NELL1: variants seen among roughly 807,000 people sequenced by gnomAD.
NELL1 encodes neural EGFL like 1, also known as protein kinase C-binding protein NELL1.
A neutral mutation model predicts 107.4 loss-of-function variants in NELL1; 76 were observed. The ratio of observed to expected loss-of-function variants is 0.71; its 90% CI spans 0.59 to 0.86. The LOEUF is 0.86. Ranked by LOEUF, NELL1 falls within the 40% of genes least tolerant of loss-of-function variation. The pLI is 0.00. For synonymous variants in NELL1, 353 were observed against 341.2 expected (o/e 1.03, Z -0.38); for missense variants, 1,024 against 1,005.5 (o/e 1.02, Z -0.25).
intron 14 of NELL1, among the ~76,000 whole-genome samples, chr11:21,337,450 T>C (rs1850430727): frequency 6.6e-6 from 1 of 152,200 alleles, no homozygotes. Flanking sequence ...TTCCATTTTA[T>C]AGCTATGCCA....
intron 5 of NELL1, among the ~76,000 whole-genome samples, chr11:20,893,348 C>G (rs1288726504): frequency 6.7e-6 from 1 of 148,202 alleles, no homozygotes; most frequent in Non-Finnish European, 1.5e-5. Context: ...CAAACCTGCA[C>G]ACTCTGCACA....
intron 3 of NELL1, among the ~76,000 whole-genome samples, chr11:20,791,561 T>A (rs1857073985): frequency 6.6e-6 from 1 of 152,170 alleles, no homozygotes; most frequent in Non-Finnish European, 1.5e-5. Flanking sequence ...GCCTGTTAGT[T>A]CATTTTTATA....
rs544602719 is a variant in NELL1, at chr11:20,932,929, G to A, written c.997+4450G>A. Among the ~76,000 whole-genome samples the A allele has an allele frequency of 2.0e-5, 3 of 152,334 alleles. No individual in the cohort carries two copies. In the South Asian group the frequency reaches 6.2e-4, roughly 32 times the overall value. On this transcript the variant is annotated intron_variant, in intron 9 of 19. Coordinates refer to ENST00000357134, the MANE Select transcript of NELL1 (RefSeq NM_006157.5). ...AATGTACATATGTATGTGTGTGTTA[G>A]GAAAACGTCATAGGTAACAGCTGAG...
At chr11:21,503,818 C>T (rs999010558) in intron 15 of NELL1, among the ~76,000 whole-genome samples, 6 of 151,990 alleles carry the variant, frequency 3.9e-5, no homozygotes, top group Admixed American at 2.6e-4. Flanking sequence ...CTAGCCTAGT[C>T]CCTAATTATG....
chr11:21,513,014 CA>C (rs1264912492), intron 15 of NELL1, among the ~76,000 whole-genome samples: 1 of 152,144 alleles, frequency 6.6e-6, no homozygotes, highest in Admixed American at 6.5e-5. Context: ...TTTCCCTAAT[CA>C]AAGCCAGTAG....
intron 13 of NELL1, among the ~76,000 whole-genome samples, chr11:21,191,269 A>G (rs1857043548): frequency 6.6e-6 from 1 of 151,846 alleles, no homozygotes; most frequent in South Asian, 2.1e-4. Flanking sequence ...CAAGTGAAAG[A>G]GGAAAGCAAG....
chr11:20,705,775 G>A (rs1854932395), intron 2 of NELL1, among the ~76,000 whole-genome samples: 1 of 150,810 alleles, frequency 6.6e-6, no homozygotes, highest in Non-Finnish European at 1.5e-5. Context: ...ATCTGACAAA[G>A]GGCTAATATC....
At chr11:20,941,546 C>G (rs1391570852) in intron 10 of NELL1, among the ~76,000 whole-genome samples, 1 of 151,772 alleles carries the variant, frequency 6.6e-6, no homozygotes, top group Non-Finnish European at 1.5e-5. Context: ...TTTTTTTCTC[C>G]TCACCATTCC....
chr11:21,018,928 G>A (rs1300175784), intron 12 of NELL1, among the ~76,000 whole-genome samples: 1 of 152,072 alleles, frequency 6.6e-6, no homozygotes, highest in Non-Finnish European at 1.5e-5. Context: ...TATTCCTAAT[G>A]TTTGGACATC....
intron 12 of NELL1, among the ~76,000 whole-genome samples, chr11:21,004,302 A>G (rs1195270641): frequency 3.3e-5 from 5 of 152,172 alleles, no homozygotes; most frequent in South Asian, 4.1e-4. Flanking sequence ...ATAAAAACTA[A>G]TTAATTAGAG....
At chr11:20,811,852 T>A (rs1857508066) in intron 3 of NELL1, among the ~76,000 whole-genome samples, 1 of 152,114 alleles carries the variant, frequency 6.6e-6, no homozygotes, top group African/African-American at 2.4e-5. Context: ...AGGTTTTATA[T>A]AATATATATA....
At chr11:21,566,246 C>T (rs923937297) in intron 17 of NELL1, among the ~76,000 whole-genome samples, 3 of 151,774 alleles carry the variant, frequency 2.0e-5, no homozygotes, top group African/African-American at 7.3e-5. Flanking sequence ...ATAATCTGAC[C>T]TACGTCCACC....
chr11:20,788,581 G>A (rs866896413), intron 3 of NELL1, among the ~76,000 whole-genome samples: 1 of 151,960 alleles, frequency 6.6e-6, no homozygotes, highest in Non-Finnish European at 1.5e-5. Flanking sequence ...TAATAATCAT[G>A]TATGTTTTAG....
intron 14 of NELL1, among the ~76,000 whole-genome samples, chr11:21,349,061 A>G (rs1310479331): frequency 1.3e-5 from 2 of 152,162 alleles, no homozygotes; most frequent in East Asian, 3.8e-4. Flanking sequence ...ATGTAGAGGA[A>G]AGCACAAAAG....
intron 11 of NELL1, among the ~76,000 whole-genome samples, chr11:20,952,656 A>G (rs1851092128): frequency 1.3e-5 from 2 of 152,188 alleles, no homozygotes; most frequent in South Asian, 4.1e-4. Context: ...GCTAAAGTGG[A>G]CTGGAAAGAC....
At position 20,855,656 on chromosome 11, in the gene NELL1, T is replaced by C. The variant is rs78314663; in HGVS notation, c.506+7903T>C. ...ATTGATGCTTGCATCTTAATTGTTGTAATTTTACTCTATTTTTGATGGATA... is the reference window on the plus strand; with the variant it reads ...ATTGATGCTTGCATCTTAATTGTTGCAATTTTACTCTATTTTTGATGGATA... On this transcript the variant is annotated intron_variant, in intron 4 of 19. Coordinates refer to ENST00000357134, the MANE Select transcript of NELL1 (RefSeq NM_006157.5). Among the ~76,000 whole-genome samples the C allele has an allele frequency of 3.5e-3, 538 of 152,350 alleles. 3 individuals carry two copies. The highest frequency in any genetic ancestry group is 0.012 in the African/African-American group (511 of 41,580).
chr11:21,198,403 C>A lies in NELL1; in HGVS notation c.1427-30929C>A, dbSNP rs7118662. Reference sequence around the variant, plus strand: ...GATTTGACCCCTTGATGAAGGAGGGCAAGGTTACACTGAAAAACAGCATAG... The same window carrying A: ...GATTTGACCCCTTGATGAAGGAGGGAAAGGTTACACTGAAAAACAGCATAG... On this transcript the variant is annotated intron_variant, in intron 13 of 19. Coordinates refer to ENST00000357134, the MANE Select transcript of NELL1 (RefSeq NM_006157.5). 3.3e-3 allele frequency among the ~76,000 whole-genome samples: 497 copies of A among 152,186 alleles called. 3 individuals are homozygous for A. The highest frequency in any genetic ancestry group is 0.011 in the African/African-American group (448 of 41,508).
intron 2 of NELL1, among the ~76,000 whole-genome samples, chr11:20,774,918 T>TG (rs1468471467): frequency 2.0e-5 from 3 of 151,902 alleles, no homozygotes; most frequent in African/African-American, 7.3e-5. Context: ...AAATGGCACC[T>TG]GAGGAGGGTT....
At chr11:21,208,460 TTATA>T (rs1243254220) in intron 13 of NELL1, among the ~76,000 whole-genome samples, 2 of 150,822 alleles carry the variant, frequency 1.3e-5, no homozygotes, top group Non-Finnish European at 3.0e-5. Flanking sequence ...AATACATAAT[TTATA>T]TATCCAAATA....
Sources: allele counts gnomAD v4.1 joint callset (sites outside exome capture counted in the v4.1 genomes callset), GRCh38; gene constraint gnomAD v4.1.1; transcripts MANE v1.5; gene names NCBI Gene and HGNC (gene_info 2026-07-23, HGNC 2026-07-21).